The following PSD3 variants were observed in gnomAD, a reference collection of about 807,000 sequenced individuals.
PSD3 encodes PH and SEC7 domain-containing protein 3.
A neutral mutation model predicts 105.5 loss-of-function variants in PSD3; 49 were observed. The ratio of observed to expected loss-of-function variants is 0.46; its 90% CI spans 0.37 to 0.59. The LOEUF (loss-of-function observed/expected upper bound fraction) is 0.59. PSD3 is among the 20% of genes least tolerant of loss of function. The probability of loss-of-function intolerance (pLI) is 0.00; values close to 1 mark genes in which losing one functional copy is unlikely to be tolerated. For synonymous variants in PSD3, 557 were observed against 457.8 expected (o/e 1.22, Z -2.77); for missense variants, 1,561 against 1,263.8 (o/e 1.24, Z -3.57).
chr8:18,992,814 T>TTCTC (rs10628987), intron 1 of PSD3, among the ~76,000 whole-genome samples: 63,771 of 151,616 alleles, frequency 0.42, 14,163 homozygotes, highest in Non-Finnish European at 0.51. Context: ...TTCATTTTCT[T>TTCTC]TCTGTTTCCT....
At chr8:18,663,321 G>T (rs529962997) in intron 9 of PSD3, among the ~76,000 whole-genome samples, 4 of 152,184 alleles carry the variant, frequency 2.6e-5, no homozygotes, top group African/African-American at 9.6e-5. Flanking sequence ...CAGCTACTTA[G>T]AGGCTGATGC....
chr8:18,820,403 G>A (rs559750921), intron 4 of PSD3, among the ~76,000 whole-genome samples: 22 of 152,064 alleles, frequency 1.4e-4, no homozygotes, highest in Admixed American at 1.1e-3. Flanking sequence ...TATCTGTGGG[G>A]TACTGGTTCT....
At chr8:19,055,403 G>A (rs1586673989) in intron 1 of PSD3, among the ~76,000 whole-genome samples, 5 of 151,644 alleles carry the variant, frequency 3.3e-5, no homozygotes, top group South Asian at 2.1e-4. Flanking sequence ...ACAGGCGCCC[G>A]CCACGACGCT....
chr8:18,733,373 G>C (rs1159178154), intron 9 of PSD3: 1 of 152,294 alleles, frequency 6.6e-6, no homozygotes, highest in African/African-American at 2.4e-5. Context: ...ATAAATGGAG[G>C]GGGTAATATA....
chr8:18,675,092 G>C (rs1487394469), intron 9 of PSD3, among the ~76,000 whole-genome samples: 2 of 152,056 alleles, frequency 1.3e-5, no homozygotes, highest in East Asian at 1.9e-4. Flanking sequence ...TGACAGTCAA[G>C]AGCTGCTTCT....
chr8:18,759,092 A>T (rs1225270275), intron 9 of PSD3, among the ~76,000 whole-genome samples: 78 of 143,944 alleles, frequency 5.4e-4, no homozygotes, highest in Middle Eastern at 3.7e-3. Context: ...ACACACACAC[A>T]CTCTCTCTCT....
chr8:18,902,815 T>C (rs1488742466), intron 2 of PSD3, among the ~76,000 whole-genome samples: 1 of 152,170 alleles, frequency 6.6e-6, no homozygotes, highest in African/African-American at 2.4e-5. Context: ...GTGGCGTATG[T>C]TGTAGATGTT....
intron 13 of PSD3, 45 bp downstream of exon 13, chr8:18,575,083 A>C (rs765517453): frequency 1.3e-6 from 2 of 1,590,398 alleles, no homozygotes; most frequent in South Asian, 1.1e-5. Flanking sequence ...AAGTAGTGCT[A>C]AGTGAACTAA....
chr8:18,746,418 T>C (rs1240573955), intron 9 of PSD3, among the ~76,000 whole-genome samples: 1 of 152,128 alleles, frequency 6.6e-6, no homozygotes, highest in African/African-American at 2.4e-5. Flanking sequence ...CTCATTCTTC[T>C]TCAGTGCAGT....
At chr8:18,662,562 G>A (rs180708536) in intron 9 of PSD3, among the ~76,000 whole-genome samples, 1 of 152,268 alleles carries the variant, frequency 6.6e-6, no homozygotes, top group Non-Finnish European at 1.5e-5. Flanking sequence ...GGGTGGGTGG[G>A]GCACCTATCA....
intron 4 of PSD3, among the ~76,000 whole-genome samples, chr8:18,860,396 A>T (rs577381153): frequency 2.6e-5 from 4 of 152,096 alleles, no homozygotes; most frequent in Non-Finnish European, 5.9e-5. Context: ...AGCACCTGTT[A>T]TTGGAAACAT....
chr8:18,816,877 G>A (rs1812264260), intron 4 of PSD3, among the ~76,000 whole-genome samples: 1 of 152,154 alleles, frequency 6.6e-6, no homozygotes, highest in Non-Finnish European at 1.5e-5. Flanking sequence ...TAAGTGCCTT[G>A]GAGATAAATA....
intron 9 of PSD3, among the ~76,000 whole-genome samples, chr8:18,659,637 CTT>C (rs1383119386): frequency 2.6e-5 from 4 of 152,214 alleles, no homozygotes; most frequent in Admixed American, 2.6e-4. Context: ...TTGTGCCTCT[CTT>C]AGAATATATT....
Position 18,535,732 on chromosome 8 carries a change from G to A in PSD3, c.*11C>T, listed in dbSNP as rs763564971. 1.3e-5 allele frequency: 21 copies of A among 1,591,908 alleles called. No individual in the cohort carries two copies. Among genetic ancestry groups the A allele is most frequent in the African/African-American group, 6.7e-5 (5 of 74,370 alleles). ...GCTCCATGACCAGCACTTCCTGGCCGCAGATGGACTCTAAGTAACTTTTTG... is the reference window on the plus strand; with the variant it reads ...GCTCCATGACCAGCACTTCCTGGCCACAGATGGACTCTAAGTAACTTTTTG... On this transcript the variant is annotated 3_prime_UTR_variant, in exon 16 of 16. Coordinates refer to ENST00000327040, the MANE Select transcript of PSD3 (RefSeq NM_015310.4).
At chr8:19,018,117 G>A (rs1827234193), upstream of PSD3, among the ~76,000 whole-genome samples, 1 of 152,150 alleles carries the variant, frequency 6.6e-6, no homozygotes, top group African/African-American at 2.4e-5. Context: ...GTGGTAGATT[G>A]ATTGTGTGAC....
At chr8:18,562,579 C>A (rs1050305775) in intron 14 of PSD3, among the ~76,000 whole-genome samples, 16 of 152,152 alleles carry the variant, frequency 1.1e-4, no homozygotes, top group Admixed American at 3.3e-4. Context: ...TCACCTTGCT[C>A]CAAATTCCAC....
chr8:18,898,222 C>A (rs979707167), intron 2 of PSD3, among the ~76,000 whole-genome samples: 5 of 152,156 alleles, frequency 3.3e-5, no homozygotes, highest in Admixed American at 3.3e-4. Flanking sequence ...CCAACTATTA[C>A]TGTCCTGTTT....
At chr8:18,554,935 T>A (rs1188500931) in intron 15 of PSD3, among the ~76,000 whole-genome samples, 1 of 151,804 alleles carries the variant, frequency 6.6e-6, no homozygotes, top group Non-Finnish European at 1.5e-5. Flanking sequence ...TATAAACGTG[T>A]GTTTGGGGAG....
chr8:19,072,669 T>C (rs13276898), intron 1 of PSD3, among the ~76,000 whole-genome samples: 103,007 of 152,058 alleles, frequency 0.68, 36,677 homozygotes, highest in East Asian at 0.81. Flanking sequence ...GTGGAACTGT[T>C]GGACCTGAAA....
Sources: gnomAD v4.1 joint callset for allele counts (sites outside exome capture counted in the v4.1 genomes callset) on GRCh38, gnomAD v4.1.1 for gene constraint, MANE v1.5 for transcripts, NCBI Gene and HGNC (gene_info 2026-07-23, HGNC 2026-07-21) for gene names.